Variants in FAT3 observed in about 807,000 individuals in gnomAD.
FAT3 encodes the protein FAT atypical cadherin 3, also known as protocadherin Fat 3.
In FAT3, 95 loss-of-function variants were observed where a neutral mutation model predicts 310.2. The ratio of observed to expected loss-of-function variants is 0.31; its 90% CI spans 0.26 to 0.36. The LOEUF (loss-of-function observed/expected upper bound fraction) is 0.36, where lower values mean the gene tolerates loss of function less well. Ranked by LOEUF, FAT3 falls within the 10% of genes least tolerant of loss-of-function variation. The probability of loss-of-function intolerance (pLI) is 1.00; values close to 1 mark genes in which losing one functional copy is unlikely to be tolerated. For synonymous variants in FAT3, 2,314 were observed against 2,192.9 expected, an observed-to-expected ratio of 1.06 and a Z score of -1.54; for missense variants, 5,408 against 5,715.6, an observed-to-expected ratio of 0.95 and a Z score of 1.74.
chr11:92,873,636 C>A (rs1036534023), intron 22 of FAT3, among the ~76,000 whole-genome samples: 3 of 152,184 alleles, frequency 2.0e-5, no homozygotes, highest in African/African-American at 7.2e-5. Flanking sequence ...TATACCATTT[C>A]CATTTTTGCA....
intron 3 of FAT3, among the ~76,000 whole-genome samples, chr11:92,602,584 G>A (rs1940082948): frequency 1.3e-5 from 2 of 152,260 alleles, no homozygotes; most frequent in South Asian, 4.1e-4. Context: ...CAGCTTCATT[G>A]GCTGATGCCA....
chr11:92,462,374 C>G (rs1270332521), intron 2 of FAT3, among the ~76,000 whole-genome samples: 1 of 152,042 alleles, frequency 6.6e-6, no homozygotes, highest in Non-Finnish European at 1.5e-5. Context: ...TCTCTGTGTC[C>G]ATGTGTACTC....
At chr11:92,374,625 T>G (rs1291025517) in intron 2 of FAT3, among the ~76,000 whole-genome samples, 1 of 152,234 alleles carries the variant, frequency 6.6e-6, no homozygotes, top group African/African-American at 2.4e-5. Context: ...CAATTATAAA[T>G]GCAGATTTGT....
At chr11:92,884,134 A>G (rs1949743260) in intron 24 of FAT3, among the ~76,000 whole-genome samples, 1 of 152,210 alleles carries the variant, frequency 6.6e-6, no homozygotes, top group South Asian at 2.1e-4. Flanking sequence ...CCACAGGTGC[A>G]AAAGTCCTGG....
intron 4 of FAT3, among the ~76,000 whole-genome samples, chr11:92,718,078 G>A (rs551584724): frequency 9.2e-5 from 14 of 152,172 alleles, no homozygotes; most frequent in African/African-American, 3.1e-4. Flanking sequence ...AAGTGATGCC[G>A]AACTTTCAGA....
chr11:92,620,832 A>G (rs1293039986), intron 3 of FAT3, among the ~76,000 whole-genome samples: 1 of 152,170 alleles, frequency 6.6e-6, no homozygotes, highest in Non-Finnish European at 1.5e-5. Flanking sequence ...AGGCTGGAAG[A>G]GTCTGGGAAT....
At chr11:92,847,171 C>A (rs149684154) in intron 19 of FAT3, among the ~76,000 whole-genome samples, 1 of 152,194 alleles carries the variant, frequency 6.6e-6, no homozygotes, top group East Asian at 1.9e-4. Context: ...GGCATAACAA[C>A]GTTTCATCAA....
At position 92,733,987 on chromosome 11, in the gene FAT3, A is replaced by G. The variant is rs1433105855; in HGVS notation, c.3670-27869A>G. Among the ~76,000 whole-genome samples the G allele has an allele frequency of 3.9e-5, 6 of 152,326 alleles. 1 individual carries two copies. The South Asian group carries it at 1.2e-3, about 32-fold the overall frequency. ...TCCTTTGCTGCAAAGCATCTGTTTA[A>G]TATGTGCTACTACCTAATATGCCAG... On this transcript the variant is annotated intron_variant, in intron 4 of 27. Coordinates refer to ENST00000525166, the MANE Select transcript of FAT3 (RefSeq NM_001367949.2).
At chr11:92,643,277 G>T (rs1942031604) in intron 3 of FAT3, among the ~76,000 whole-genome samples, 1 of 152,190 alleles carries the variant, frequency 6.6e-6, no homozygotes, top group Non-Finnish European at 1.5e-5. Context: ...AAGCAAAGGG[G>T]CATTTAAGAT....
chr11:92,309,181 T>A (rs1375264107), intron 1 of FAT3, among the ~76,000 whole-genome samples: 3 of 132,162 alleles, frequency 2.3e-5, no homozygotes, highest in Non-Finnish European at 3.1e-5. Flanking sequence ...TGCAAAGCTG[T>A]GAAGCCTTGT....
At position 92,488,653 on chromosome 11, in the gene FAT3, A is replaced by T. The variant is rs550834214; in HGVS notation, c.3293-35981A>T. Reference sequence around the variant, plus strand: ...TTTCAAGTTTCCCTCCTCTGCCTAGAACCATCCCCCAGGCTCCTTTTGGAT... The same window carrying T: ...TTTCAAGTTTCCCTCCTCTGCCTAGTACCATCCCCCAGGCTCCTTTTGGAT... On this transcript the variant is annotated intron_variant, in intron 2 of 27. Coordinates refer to ENST00000525166, the MANE Select transcript of FAT3 (RefSeq NM_001367949.2). Among the ~76,000 whole-genome samples the T allele has an allele frequency of 2.5e-4, 38 of 152,112 alleles. 1 individual carries two copies. In the South Asian group the frequency reaches 7.5e-3, roughly 30 times the overall value.
At chr11:92,726,070 A>G (rs1313506297) in intron 4 of FAT3, among the ~76,000 whole-genome samples, 1 of 152,156 alleles carries the variant, frequency 6.6e-6, no homozygotes, top group Non-Finnish European at 1.5e-5. Context: ...GTCTTCACAA[A>G]TAATATAAGT....
chr11:92,471,783 A>G (rs773339836), intron 2 of FAT3, among the ~76,000 whole-genome samples: 14 of 152,124 alleles, frequency 9.2e-5, no homozygotes, highest in African/African-American at 3.1e-4. Context: ...ATATAGTGTG[A>G]TACATTCATG....
intron 17 of FAT3, 52 bp from the exon 18 acceptor site, chr11:92,840,510 G>A (rs1948511639): frequency 2.8e-6 from 4 of 1,439,408 alleles, no homozygotes; most frequent in Non-Finnish European, 2.8e-6. Flanking sequence ...TAATGAATGT[G>A]AAGAGAAGTG....
intron 1 of FAT3, among the ~76,000 whole-genome samples, chr11:92,263,594 T>C (rs1339175037): frequency 6.6e-6 from 1 of 151,716 alleles, no homozygotes; most frequent in East Asian, 1.9e-4. Context: ...AAATGTTGAG[T>C]GATAAATGTG....
chr11:92,612,389 A>G (rs759972331), intron 3 of FAT3, among the ~76,000 whole-genome samples: 50 of 152,236 alleles, frequency 3.3e-4, no homozygotes, highest in Non-Finnish European at 6.5e-4. Context: ...GAAGAATAAG[A>G]GAATGTTGGA....
intron 6 of FAT3, among the ~76,000 whole-genome samples, chr11:92,771,179 C>G (rs745323181): frequency 6.6e-6 from 1 of 152,140 alleles, no homozygotes; most frequent in Admixed American, 6.6e-5. Context: ...TTGAGCCTAA[C>G]GCTGCTGCAC....
chr11:92,324,935 AGACT>A (rs1947725907), intron 1 of FAT3, among the ~76,000 whole-genome samples: 1 of 152,238 alleles, frequency 6.6e-6, no homozygotes, highest in Non-Finnish European at 1.5e-5. Flanking sequence ...ACTTAACTGA[AGACT>A]GACACCAGGA....
At chr11:92,705,670 T>TGGTG in intron 4 of FAT3, among the ~76,000 whole-genome samples, 1 of 67,038 alleles carries the variant, frequency 1.5e-5, no homozygotes, top group Non-Finnish European at 2.7e-5. Flanking sequence ...GGTGTGATGG[T>TGGTG]GTAGTGATCG....
Sources: gnomAD v4.1 joint callset for allele counts (sites outside exome capture counted in the v4.1 genomes callset) on GRCh38, gnomAD v4.1.1 for gene constraint, MANE v1.5 for transcripts, NCBI Gene and HGNC (gene_info 2026-07-23, HGNC 2026-07-21) for gene names.